Variants in WDR41 observed in about 807,000 individuals in gnomAD.
The protein encoded by WDR41 is WD repeat domain 41.
A neutral mutation model predicts 69.3 loss-of-function variants in WDR41; 63 were observed. The observed-to-expected ratio is 0.91, with a 90% CI of 0.74 to 1.12. WDR41 has a LOEUF of 1.12. Among genes scored for constraint, WDR41 ranks in the 50% most tolerant of loss-of-function variants. The probability of loss-of-function intolerance (pLI) is 0.00; values close to 1 mark genes in which losing one functional copy is unlikely to be tolerated. For missense variants in WDR41, 543 were observed against 534.5 expected, an observed-to-expected ratio of 1.02 and a Z score of -0.16; for synonymous variants, 185 against 192.1, an observed-to-expected ratio of 0.96 and a Z score of 0.31.
intron 8 of WDR41, among the ~76,000 whole-genome samples, chr5:77,443,562 C>A (rs1321646371): frequency 1.3e-5 from 2 of 152,170 alleles, no homozygotes; most frequent in Non-Finnish European, 2.9e-5. Flanking sequence ...GCAAAACGGG[C>A]TTCTAGTTTT....
chr5:77,607,182 G>C (rs1435388966), intron 1 of WDR41, among the ~76,000 whole-genome samples: 1 of 152,092 alleles, frequency 6.6e-6, no homozygotes, highest in African/African-American at 2.4e-5. Flanking sequence ...ACTATTATTA[G>C]ATAAAAAGTT....
intron 1 of WDR41, among the ~76,000 whole-genome samples, chr5:77,544,574 G>A (rs1304071305): frequency 6.6e-6 from 1 of 151,996 alleles, no homozygotes; most frequent in African/African-American, 2.4e-5. Flanking sequence ...AAGACAAAGA[G>A]AGACATTATA....
intron 1 of WDR41, among the ~76,000 whole-genome samples, chr5:77,564,863 C>T (rs1026543128): frequency 2.8e-4 from 42 of 152,074 alleles, no homozygotes; most frequent in Non-Finnish European, 2.9e-5. Context: ...ACTATCTTTT[C>T]TTCTATCAAA....
intron 1 of WDR41, among the ~76,000 whole-genome samples, chr5:77,575,067 CAT>C (rs1743805764): frequency 6.6e-6 from 1 of 152,052 alleles, no homozygotes; most frequent in African/African-American, 2.4e-5. Flanking sequence ...AAAAAACAAA[CAT>C]ATCTTATTTC....
chr5:77,434,618 T>C (rs577061226), intron 12 of WDR41, among the ~76,000 whole-genome samples: 2 of 151,550 alleles, frequency 1.3e-5, no homozygotes, highest in African/African-American at 2.4e-5. Context: ...GGCAGGAGAA[T>C]TGCTTAAACC....
At chr5:77,551,153 A>G (rs1468465434) in intron 1 of WDR41, among the ~76,000 whole-genome samples, 3 of 152,186 alleles carry the variant, frequency 2.0e-5, no homozygotes, top group African/African-American at 4.8e-5. Flanking sequence ...AAACCTCAGC[A>G]TCATGCTATG....
chr5:77,438,979 A>C (rs1799051874), intron 9 of WDR41, among the ~76,000 whole-genome samples: 1 of 152,224 alleles, frequency 6.6e-6, no homozygotes, highest in Admixed American at 6.5e-5. Flanking sequence ...CAGCCTCACA[A>C]CATCGTGTTA....
rs536919066 is a variant in WDR41, at chr5:77,539,292, T to A, written c.43-49720A>T. Among the ~76,000 whole-genome samples, 10 of 152,344 alleles carry A rather than the reference T, an allele frequency of 6.6e-5. No individual in the cohort carries two copies. In the East Asian group the frequency reaches 1.9e-3, roughly 29 times the overall value. ...AGTGGAAATTAGCCTTCTATAAATA[T>A]CAATTCATATTCTTTGTGCTCTGGA... On this transcript the variant is annotated intron_variant, in intron 1 of 5. Coordinates refer to the WDR41 transcript ENST00000509971.
At chr5:77,507,695 G>A (rs1327514792) in intron 1 of WDR41, among the ~76,000 whole-genome samples, 1 of 152,164 alleles carries the variant, frequency 6.6e-6, no homozygotes, top group African/African-American at 2.4e-5. Flanking sequence ...CAAATATAGT[G>A]ATGGAATTCC....
intron 2 of WDR41, among the ~76,000 whole-genome samples, chr5:77,475,945 A>G (rs1800903090): frequency 6.6e-6 from 1 of 152,150 alleles, no homozygotes; most frequent in Admixed American, 6.5e-5. Context: ...AAGAATGTAT[A>G]ACTAGAATAA....
chr5:77,471,568 G>A (rs928463623), intron 2 of WDR41, among the ~76,000 whole-genome samples: 1 of 151,984 alleles, frequency 6.6e-6, no homozygotes, highest in Non-Finnish European at 1.5e-5. Context: ...GAATCAAATA[G>A]ACGCAATAAA....
intron 2 of WDR41, among the ~76,000 whole-genome samples, chr5:77,484,183 C>T (rs2112086897): frequency 6.6e-6 from 1 of 152,272 alleles, no homozygotes; most frequent in East Asian, 1.9e-4. Flanking sequence ...TCCTGTCATC[C>T]TCCCAAACCC....
rs569335518 is a variant in WDR41 at position 77,432,997 on chromosome 5, A to G, written c.*138T>C. 2.8e-5 allele frequency: 28 copies of G among 1,002,640 alleles called. No individual in the cohort carries two copies. The African/African-American group carries it at 3.8e-4, about 14-fold the overall frequency. 62.1% of individuals were successfully genotyped at this position (1,002,640 alleles called of 1,614,324 possible). The stretch of plus-strand genomic sequence containing the variant: ...CATGTTCCTGGTTGGTAGGTCCACA[A>G]AAAATTTAAACATGTAGAATTTTAT... On this transcript the variant is annotated 3_prime_UTR_variant, in exon 13 of 13. Transcript: ENST00000296679.
chr5:77,447,282 T>C (rs1258545060), intron 8 of WDR41, among the ~76,000 whole-genome samples: 1 of 152,194 alleles, frequency 6.6e-6, no homozygotes, highest in Non-Finnish European at 1.5e-5. Flanking sequence ...GACAAGGCTG[T>C]GGAGAATGGG....
In WDR41 at chr5:77,433,232, A is replaced by T. The variant is rs1561721468; in HGVS notation, c.1283T>A (p.Ile428Asn). ...GLVTCSADHL[I>N]ILWKNGERES... The stretch of plus-strand genomic sequence containing the variant: ...TCGCTCTCCATTTTTCCACAAAATA[A>T]TGAGATGATCAGCGGAGCACGTCAC... Residue 428 changes from isoleucine to asparagine, a missense_variant, in exon 13 of 13, where the codon ATT becomes AAT. Ile to Asn is a moderately radical substitution (Grantham distance 149). Transcript: ENST00000296679. 2 of 1,614,062 alleles carry T rather than the reference A, an allele frequency of 1.2e-6. No individual in the cohort carries two copies. The highest frequency in any genetic ancestry group is 1.7e-6 in the Non-Finnish European group (2 of 1,179,966).
chr5:77,502,319 GA>G (rs1561208112), intron 1 of WDR41, among the ~76,000 whole-genome samples: 4 of 151,894 alleles, frequency 2.6e-5, no homozygotes, highest in Admixed American at 2.0e-4. Context: ...AAAGGTTAGA[GA>G]AAAAAAAGTA....
At chr5:77,538,588 G>A (rs139246446) in intron 1 of WDR41, among the ~76,000 whole-genome samples, 2 of 152,138 alleles carry the variant, frequency 1.3e-5, no homozygotes, top group African/African-American at 4.8e-5. Context: ...AATTCGCTTA[G>A]GATGATGGCC....
chr5:77,520,584 C>A (rs1384758315), intron 1 of WDR41, among the ~76,000 whole-genome samples: 3 of 152,154 alleles, frequency 2.0e-5, no homozygotes, highest in Admixed American at 6.5e-5. Flanking sequence ...AATTTACTAG[C>A]TTTATCCTCG....
intron 1 of WDR41, among the ~76,000 whole-genome samples, chr5:77,535,344 A>G (rs1742953738): frequency 6.6e-6 from 1 of 152,162 alleles, no homozygotes; most frequent in Admixed American, 6.5e-5. Context: ...GGCCGTATGG[A>G]TGTTTCTCAT....
Sources: gnomAD v4.1 joint callset for allele counts (sites outside exome capture counted in the v4.1 genomes callset) on GRCh38, gnomAD v4.1.1 for gene constraint, MANE v1.5 for transcripts, NCBI Gene and HGNC (gene_info 2026-07-23, HGNC 2026-07-21) for gene names.